Variants in CDC42BPG observed in about 807,000 individuals in gnomAD.
CDC42BPG encodes CDC42 binding protein kinase gamma.
In CDC42BPG, 157 loss-of-function variants were observed where a neutral mutation model predicts 192.2. That is an observed-to-expected ratio of 0.82 (90% CI 0.72 to 0.93). CDC42BPG has a LOEUF of 0.93. CDC42BPG is among the 40% of genes least tolerant of loss of function. The pLI is 0.00. For missense variants in CDC42BPG, 1,992 were observed against 2,122.1 expected, an observed-to-expected ratio of 0.94 and a Z score of 1.20; for synonymous variants, 981 against 918.5, an observed-to-expected ratio of 1.07 and a Z score of -1.23.
chr11:64,835,844 G>C lies in CDC42BPG; in HGVS notation c.1676C>G (p.Ala559Gly). The change falls in exon 14 of 37, where the codon GCC becomes GGC. Residue 559 changes from alanine to glycine, a missense_variant. Physicochemically the swap from Ala to Gly is moderately conservative, Grantham distance 60. Transcript: ENST00000342711. ...CTGCCGGCTCAGGGAGGACACCTGGGCCTCCAGCTGTGAGGGGTGCAGAGG... is the reference window on the plus strand; with the variant it reads ...CTGCCGGCTCAGGGAGGACACCTGGCCCTCCAGCTGTGAGGGGTGCAGAGG... ...EARAAQRELE[A>G]QVSSLSRQVT... 6.2e-7 allele frequency: 1 copy of C among 1,610,564 alleles called. No homozygotes were observed. The highest frequency in any genetic ancestry group is 8.5e-7 in the Non-Finnish European group (1 of 1,179,130).
chr11:64,836,278 C>T lies in CDC42BPG; in HGVS notation c.1507G>A (p.Ala503Thr), dbSNP rs557330344. 8.3e-5 allele frequency: 133 copies of T among 1,604,164 alleles called. No individual in the cohort carries two copies. Among genetic ancestry groups the T allele is most frequent in the East Asian group, 4.3e-4 (19 of 44,690 alleles). The change falls in exon 13 of 37, where the codon GCA becomes ACA. Residue 503 changes from alanine (A) to threonine (T), a missense_variant. By Grantham distance (58) the Ala-to-Thr change is moderately conservative (BLOSUM62 0). Coordinates refer to ENST00000342711, the MANE Select transcript of CDC42BPG (RefSeq NM_017525.3). The stretch of plus-strand genomic sequence containing the variant: ...TCCTGCTCCTGAGCCTGCAGCCCTG[C>T]CCGACCCTCGGCCAGCTCCTGAGGA... ...RLHRELAEGR[A>T]GLQAQEQELC...
chr11:64,840,486 C>G (rs955561773), intron 4 of CDC42BPG, 67 bp downstream of exon 4: 1 of 1,530,242 alleles, frequency 6.5e-7, no homozygotes, highest in African/African-American at 1.4e-5. Flanking sequence ...GCCCAGTGCC[C>G]CTGGCCCCAA....
Position 64,838,663 on chromosome 11 carries a change from G to C in CDC42BPG, c.1116C>G (p.Leu372=). The change falls in exon 8 of 37, where the codon CTC becomes CTG. Residue 372 remains leucine (L), a synonymous_variant. Transcript: ENST00000342711. ...TSNFDVDDDT[L]NHPGTLPPPS... is the part of the protein sequence containing the mutation. ...GGCCTTTGCCACTCACTGGATGGTT[G>C]AGGGTGTCGTCATCCACATCAAAGT... 1 of 1,612,842 alleles carries C rather than the reference G, an allele frequency of 6.2e-7. No individual in the cohort carries two copies. The highest frequency in any genetic ancestry group is 1.1e-5 in the South Asian group (1 of 91,074).
At position 64,840,260 on chromosome 11, in the gene CDC42BPG, C is replaced by T. The variant is rs1233599496; in HGVS notation, c.441G>A (p.Val147=). ...GGTCCCCACCAGCATAGTAGTCCAT[C>T]ACAAGGTACTGGAGGTGGCGGACAA... ...AFQDEEYLYL[V]MDYYAGGDLL... is the part of the protein sequence containing the mutation. Residue 147 remains valine, a synonymous_variant, in exon 5 of 37, where the codon GTG becomes GTA. Transcript: ENST00000342711. 1.2e-6 allele frequency: 2 copies of T among 1,611,538 alleles called. No individual in the cohort carries two copies. The highest frequency in any genetic ancestry group is 2.7e-5 in the African/African-American group (2 of 74,928).
Position 64,827,511 on chromosome 11 carries a change from A to G in CDC42BPG, c.4150+16T>C. 2.5e-6 allele frequency: 4 copies of G among 1,610,960 alleles called. No individual in the cohort carries two copies. Among genetic ancestry groups the G allele is most frequent in the Non-Finnish European group, 2.5e-6 (3 of 1,177,904 alleles). ...CACTGGGGAACGCACACACCCGTAC[A>G]CACGCACTCCCTCACCTGCCAGCTG... On this transcript the variant is annotated intron_variant, in intron 32 of 36. Coordinates refer to ENST00000342711, the MANE Select transcript of CDC42BPG (RefSeq NM_017525.3).
At position 64,827,508 on chromosome 11, in the gene CDC42BPG, T is replaced by A. The variant is rs191173547; in HGVS notation, c.4150+19A>T. The A allele has an allele frequency of 3.6e-3, 5,823 of 1,610,882 alleles. 69 individuals carry two copies. The highest frequency in any genetic ancestry group is 2.7e-3 in the Non-Finnish European group (3,208 of 1,177,920). On this transcript the variant is annotated intron_variant, in intron 32 of 36. Transcript: ENST00000342711. ...GCGCACTGGGGAACGCACACACCCG[T>A]ACACACGCACTCCCTCACCTGCCAG...
rs1555172976 is a variant in CDC42BPG, at chr11:64,836,399, G to A, written c.1488+28C>T. The A allele has an allele frequency of 1.2e-5, 9 of 781,152 alleles. No individual in the cohort carries two copies. The East Asian group carries it at 1.8e-4, about 16-fold the overall frequency. 48.4% of individuals were successfully genotyped at this position (781,152 alleles called of 1,614,324 possible). On this transcript the variant is annotated intron_variant, in intron 12 of 36. Coordinates refer to ENST00000342711, the MANE Select transcript of CDC42BPG (RefSeq NM_017525.3). ...TCACCCACCTCACCCACCTCACCCA[G>A]CCCTCACCCACCTCACCCAGCCCTC...
chr11:64,844,608 C>A lies in CDC42BPG; in HGVS notation c.-39G>T. The A allele has an allele frequency of 1.6e-6, 2 of 1,234,764 alleles. No homozygotes were observed. Among genetic ancestry groups the A allele is most frequent in the Non-Finnish European group, 2.0e-6 (2 of 988,470 alleles). 76.5% of individuals were successfully genotyped at this position (1,234,764 alleles called of 1,614,324 possible). On this transcript the variant is annotated 5_prime_UTR_variant, in exon 1 of 37. Coordinates refer to ENST00000342711, the MANE Select transcript of CDC42BPG (RefSeq NM_017525.3). ...GCCTCGCTGCTCGGCTACAGTCTGG[C>A]CGCCCGCATGCCCGCCTGTCGGGCC...
In CDC42BPG at chr11:64,834,609, T is replaced by C. The variant is rs763782445; in HGVS notation, c.2176-32A>G. 5 of 1,513,056 alleles carry C rather than the reference T, an allele frequency of 3.3e-6. No homozygotes were observed. In the South Asian group the frequency reaches 5.2e-5, roughly 16 times the overall value. The allele number at this position is 1,513,056 out of a possible 1,614,324, so 93.7% of individuals were successfully genotyped here. A position where few individuals can be genotyped will look rare whatever the true frequency, so the allele number is the denominator to read the frequency against. On this transcript the variant is annotated intron_variant, in intron 18 of 36. Coordinates refer to ENST00000342711, the MANE Select transcript of CDC42BPG (RefSeq NM_017525.3). Reference sequence around the variant, plus strand: ...GCCACGGAGCACCCGTATAAGATGCTTTCTAGGCCTGGCTGCCTCAGGGAC... The same window carrying C: ...GCCACGGAGCACCCGTATAAGATGCCTTCTAGGCCTGGCTGCCTCAGGGAC...
At chr11:64,837,479 T>C (rs1943071616) in intron 9 of CDC42BPG, among the ~76,000 whole-genome samples, 1 of 152,194 alleles carries the variant, frequency 6.6e-6, no homozygotes, top group South Asian at 2.1e-4. Flanking sequence ...CCCACCCATT[T>C]TGAGACAGAG....
In CDC42BPG at chr11:64,826,523, C is replaced by T. The variant is rs760628500; in HGVS notation, c.4546G>A (p.Glu1516Lys). 54 of 1,605,078 alleles carry T rather than the reference C, an allele frequency of 3.4e-5. No individual in the cohort carries two copies. Among genetic ancestry groups the T allele is most frequent in the Non-Finnish European group, 4.2e-5 (49 of 1,176,450 alleles). ...GATCCCTGGGGGCAGGACACAGACT[C>T]GCTGGACAGGGATGTCCAGGGTTTC... is the stretch of plus-strand genomic sequence containing the variant. ...KRKPWTSLSS[E>K]SVSCPQGSLS... Residue 1516 changes from glutamate (E) to lysine (K), a missense_variant, in exon 36 of 37, where the codon GAG becomes AAG. Physicochemically the swap from Glu to Lys is moderately conservative, Grantham distance 56. This residue lies in a region of CDC42BPG where 336 missense variants were observed against 277.9 expected (regional missense o/e 1.21). Transcript: ENST00000342711.
chr11:64,836,805 G>A lies in CDC42BPG; in HGVS notation c.1318C>T (p.Pro440Ser). 1.2e-6 allele frequency: 2 copies of A among 1,605,934 alleles called. No homozygotes were observed. The highest frequency in any genetic ancestry group is 1.7e-6 in the Non-Finnish European group (2 of 1,176,296). ...SRKHQEALHA[P>S]TDHRELEQLR... ...TGCTCCAGCTCCCGATGGTCTGTGGGGGCGTGCAGGGCCTCTGGAGGGGAG... is the reference window on the plus strand; with the variant it reads ...TGCTCCAGCTCCCGATGGTCTGTGGAGGCGTGCAGGGCCTCTGGAGGGGAG... The change falls in exon 11 of 37, where the codon CCC (proline) becomes TCC (serine). Residue 440 changes from proline to serine, a missense_variant. Physicochemically the swap from Pro to Ser is moderately conservative, Grantham distance 74. Transcript: ENST00000342711.
Position 64,834,416 on chromosome 11 carries a change from C to T in CDC42BPG, c.2324+13G>A, listed in dbSNP as rs1032135761. 4.5e-6 allele frequency: 7 copies of T among 1,562,530 alleles called. No individual in the cohort carries two copies. In the African/African-American group the frequency reaches 6.8e-5, roughly 15 times the overall value. Reference sequence around the variant, plus strand: ...TGCGGGCCCTGGCCCCCAGTGCCTGCCCCTAGCCTCACCGCTCAGCCTGCA... The same window carrying T: ...TGCGGGCCCTGGCCCCCAGTGCCTGTCCCTAGCCTCACCGCTCAGCCTGCA... On this transcript the variant is annotated intron_variant, in intron 19 of 36. Transcript: ENST00000342711.
intron 9 of CDC42BPG, among the ~76,000 whole-genome samples, chr11:64,837,613 C>T (rs1943078705): frequency 6.6e-6 from 1 of 152,240 alleles, no homozygotes; most frequent in Non-Finnish European, 1.5e-5. Flanking sequence ...AGGCGCCCGC[C>T]ACCACGCCCG....
In CDC42BPG at chr11:64,830,175, G is replaced by C. The variant is rs1156251455; in HGVS notation, c.3367+19C>G. ...GCTGCCCCTGCCCACGCCCACCCTAGCCCAGCTTTGATAGGTACCGTTGCT... is the reference window on the plus strand; with the variant it reads ...GCTGCCCCTGCCCACGCCCACCCTACCCCAGCTTTGATAGGTACCGTTGCT... On this transcript the variant is annotated intron_variant, in intron 29 of 36. Coordinates refer to ENST00000342711, the MANE Select transcript of CDC42BPG (RefSeq NM_017525.3). 1 of 1,613,526 alleles carries C rather than the reference G, an allele frequency of 6.2e-7. No homozygotes were observed. Among genetic ancestry groups the C allele is most frequent in the East Asian group, 2.2e-5 (1 of 44,864 alleles).
At chr11:64,827,650 C>T (rs751602001) in intron 31 of CDC42BPG, 36 bp downstream of exon 31, 1 of 1,605,550 alleles carries the variant, frequency 6.2e-7, no homozygotes, top group East Asian at 2.2e-5. Context: ...ACGCCTCCAC[C>T]CCCGGCGCTA....
At chr11:64,843,774 C>T (rs536200118) in intron 1 of CDC42BPG, among the ~76,000 whole-genome samples, 52 of 152,336 alleles carry the variant, frequency 3.4e-4, no homozygotes, top group Admixed American at 5.9e-4. Context: ...GGCGCCACAG[C>T]CCCCAAGGAG....
rs1258999892 is a variant in CDC42BPG, at chr11:64,835,505, G to C, written c.1875C>G (p.Ser625Arg). The C allele has an allele frequency of 1.2e-6, 2 of 1,602,526 alleles. No individual in the cohort carries two copies. Among genetic ancestry groups the C allele is most frequent in the Non-Finnish European group, 1.7e-6 (2 of 1,176,554 alleles). Reference sequence around the variant, plus strand: ...CCACCAGCTGCCTGGCTCACCTGTGGCTGTGGGCCTGCTCCAGCTGCTCTC... The same window carrying C: ...CCACCAGCTGCCTGGCTCACCTGTGCCTGTGGGCCTGCTCCAGCTGCTCTC... ...ALREQLEQAH[S>R]HRPSGKEEAL... Residue 625 changes from serine (S) to arginine (R), a missense_variant, in exon 15 of 37, where the codon AGC becomes AGG. Transcript: ENST00000342711.
At chr11:64,834,227 G>C in intron 20 of CDC42BPG, 39 bp downstream of exon 20, 1 of 1,531,364 alleles carries the variant, frequency 6.5e-7, no homozygotes, top group South Asian at 1.2e-5. Context: ...AGGCCGCGGG[G>C]GAGCCTGGCT....
Sources: gnomAD v4.1 joint callset for allele counts (sites outside exome capture counted in the v4.1 genomes callset) on GRCh38, gnomAD v4.1.1 for gene constraint, gnomAD v4.1.1 regional missense constraint, MANE v1.5 for transcripts, NCBI Gene and HGNC (gene_info 2026-07-23, HGNC 2026-07-21) for gene names.